AMPD3: variants seen among roughly 807,000 people sequenced by gnomAD.
AMPD3 encodes AMP deaminase 3.
A neutral mutation model predicts 82.3 loss-of-function variants in AMPD3; 57 were observed. That is an observed-to-expected ratio of 0.69 (90% CI 0.56 to 0.86). The LOEUF (loss-of-function observed/expected upper bound fraction) is 0.86. Among genes scored for constraint, AMPD3 ranks in the 40% least tolerant of loss-of-function variants. The pLI is 0.00. For missense variants in AMPD3, 870 were observed against 1,003.8 expected (o/e 0.87, Z 1.80); for synonymous variants, 381 against 394.7 (o/e 0.97, Z 0.41).
At chr11:10,485,752 A>G (rs1351196399) in intron 5 of AMPD3, among the ~76,000 whole-genome samples, 2 of 151,838 alleles carry the variant, frequency 1.3e-5, no homozygotes, top group Non-Finnish European at 2.9e-5. Flanking sequence ...GCATGCAGGG[A>G]GCCTGGGGAA....
intron 3 of AMPD3, 34 bp from the exon 4 acceptor site, chr11:10,482,029 C>T (rs1591464470): frequency 6.2e-7 from 1 of 1,613,958 alleles, no homozygotes; most frequent in African/African-American, 1.3e-5. Flanking sequence ...AGGCCTGCTG[C>T]ATGAACCCTT....
intron 1 of AMPD3, chr11:10,460,739 A>C: frequency 3.6e-6 from 1 of 274,500 alleles, no homozygotes; most frequent in Non-Finnish European, 5.6e-6. Flanking sequence ...TATACAAGTA[A>C]TTGCAAAAAA....
At chr11:10,496,514 A>T (rs1849405360) in intron 9 of AMPD3, 2 of 985,410 alleles carry the variant, frequency 2.0e-6, no homozygotes, top group Admixed American at 6.1e-5. Context: ...GAATTTGAGG[A>T]TTCATATCTC....
At chr11:10,481,490 C>T in intron 3 of AMPD3, 1 of 985,386 alleles carries the variant, frequency 1.0e-6, no homozygotes, top group Non-Finnish European at 1.2e-6. Flanking sequence ...CTTCCAACGA[C>T]CCTAACTCCT....
At chr11:10,491,226 G>A (rs1849232405) in intron 6 of AMPD3, among the ~76,000 whole-genome samples, 1 of 152,176 alleles carries the variant, frequency 6.6e-6, no homozygotes, top group Non-Finnish European at 1.5e-5. Flanking sequence ...CTCCCCCGGA[G>A]CTCCCATAGG....
At position 10,485,001 on chromosome 11, in the gene AMPD3, CAT is replaced by C; in HGVS notation, c.772_773del (p.Met258GlufsTer31). ...CCGACCTGGAGACCTACACGGTGGA[CAT>C]GAGCCACATCCTGGCTCTCATCACC... ...YPDLETYTVD[M>X]SHILALITDG... is the part of the protein sequence containing the mutation. On this transcript the variant is annotated frameshift_variant, in exon 5 of 15. Transcript: ENST00000396553. LOFTEE classifies it high-confidence loss of function. The C allele has an allele frequency of 1.2e-6, 2 of 1,614,030 alleles. No homozygotes were observed. Among genetic ancestry groups the C allele is most frequent in the Non-Finnish European group, 1.7e-6 (2 of 1,180,018 alleles).
At chr11:10,479,407 A>G (rs1196610885) in intron 3 of AMPD3, among the ~76,000 whole-genome samples, 1 of 152,200 alleles carries the variant, frequency 6.6e-6, no homozygotes. Flanking sequence ...AGTTGGCTTC[A>G]TTAGTCTCTT....
chr11:10,495,492 C>G, intron 8 of AMPD3, 78 bp from the exon 9 acceptor site: 1 of 1,608,882 alleles, frequency 6.2e-7, no homozygotes. Flanking sequence ...AGCAACAGGA[C>G]CCTGCTGGTG....
chr11:10,461,322 C>G (rs1389988804), intron 1 of AMPD3, 193 bp from the exon 2 acceptor site: 2 of 1,576,174 alleles, frequency 1.3e-6, no homozygotes, highest in African/African-American at 2.7e-5. Context: ...CCTAAGTGGC[C>G]CTACATGCTT....
chr11:10,452,474 T>C (rs780318886), upstream of AMPD3, among the ~76,000 whole-genome samples: 13 of 152,122 alleles, frequency 8.5e-5, no homozygotes, highest in Non-Finnish European at 1.6e-4. Flanking sequence ...GCTGGAGTCC[T>C]GGCTGTGTAC....
chr11:10,504,910 T>C (rs1017649990), intron 14 of AMPD3, among the ~76,000 whole-genome samples: 1 of 152,234 alleles, frequency 6.6e-6, no homozygotes, highest in African/African-American at 2.4e-5. Context: ...ACACTTGCTA[T>C]TATTCTCTAT....
chr11:10,502,409 G>T (rs1376508588), intron 12 of AMPD3: 45 of 985,360 alleles, frequency 4.6e-5, no homozygotes, highest in Non-Finnish European at 5.4e-5. Flanking sequence ...GGAGCTGAAG[G>T]TGTAGGCTGG....
intron 2 of AMPD3, among the ~76,000 whole-genome samples, chr11:10,463,643 G>C (rs1470024972): frequency 1.3e-5 from 2 of 152,230 alleles, no homozygotes; most frequent in Non-Finnish European, 2.9e-5. Flanking sequence ...TTCCACTACA[G>C]AGTGACACTG....
chr11:10,500,003 G>A, intron 10 of AMPD3, 83 bp from the exon 11 acceptor site: 2 of 1,587,838 alleles, frequency 1.3e-6, no homozygotes, highest in Non-Finnish European at 1.7e-6. Flanking sequence ...ACAGGCCTCT[G>A]GCAGCTATGA....
At position 10,505,980 on chromosome 11, in the gene AMPD3, G is replaced by C; in HGVS notation, c.*96G>C. On this transcript the variant is annotated 3_prime_UTR_variant, in exon 15 of 15. Coordinates refer to ENST00000396553, the MANE Select transcript of AMPD3 (RefSeq NM_001025389.2). Reference sequence around the variant, plus strand: ...ATTCCGAACTAGGACTTTCCTCTGTGAAGAGGATGCCTCTGAAGAAATTTT... The same window carrying C: ...ATTCCGAACTAGGACTTTCCTCTGTCAAGAGGATGCCTCTGAAGAAATTTT... 7 of 1,414,250 alleles carry C rather than the reference G, an allele frequency of 4.9e-6. No individual in the cohort carries two copies. Among genetic ancestry groups the C allele is most frequent in the Non-Finnish European group, 6.9e-6 (7 of 1,008,730 alleles). The allele number at this position is 1,414,250 out of a possible 1,614,324, so 87.6% of individuals were successfully genotyped here.
intron 2 of AMPD3, among the ~76,000 whole-genome samples, chr11:10,463,920 A>G (rs1461621806): frequency 6.6e-6 from 1 of 152,214 alleles, no homozygotes; most frequent in African/African-American, 2.4e-5. Context: ...AGAGGAAGAC[A>G]TCCTGCCTCC....
intron 10 of AMPD3, among the ~76,000 whole-genome samples, chr11:10,499,068 C>G (rs1413169531): frequency 6.6e-6 from 1 of 152,022 alleles, no homozygotes; most frequent in Non-Finnish European, 1.5e-5. Flanking sequence ...AGCTGCCTCC[C>G]AGGAGCCATG....
intron 2 of AMPD3, among the ~76,000 whole-genome samples, chr11:10,462,128 T>G (rs532141923): frequency 6.6e-6 from 1 of 152,306 alleles, no homozygotes; most frequent in African/African-American, 2.4e-5. Context: ...CTGGAGATGT[T>G]ATAATGAACA....
In AMPD3 at chr11:10,495,550, C is replaced by CCAAGCTT. The variant is rs763848744; in HGVS notation, c.1267-14_1267-13insTCAAGCT. The CCAAGCTT allele has an allele frequency of 4.3e-6, 7 of 1,612,274 alleles. No homozygotes were observed. In the Admixed American group the frequency reaches 1.0e-4, roughly 23 times the overall value. On this transcript the variant is annotated intron_variant, in intron 8 of 14. Coordinates refer to ENST00000396553, the MANE Select transcript of AMPD3 (RefSeq NM_001025389.2). ...GTAGCTGGGATGCACTGGGGCTGAC[C>CCAAGCTT]CAAGCTCTTCTTGTGCCAGGAGGTT... is the stretch of plus-strand genomic sequence containing the variant.
Sources: allele counts gnomAD v4.1 joint callset (sites outside exome capture counted in the v4.1 genomes callset), GRCh38; gene constraint gnomAD v4.1.1; transcripts MANE v1.5; gene names NCBI Gene and HGNC (gene_info 2026-07-23, HGNC 2026-07-21).